GNAO1: variants seen among roughly 807,000 people sequenced by gnomAD.
GNAO1 encodes G protein subunit alpha o1, also known as guanine nucleotide-binding protein G(o) subunit alpha.
For missense variants in GNAO1, 166 were observed against 478.7 expected, an observed-to-expected ratio of 0.35 and a Z score of 6.10; for synonymous variants, 164 against 180.7, an observed-to-expected ratio of 0.91 and a Z score of 0.74.
intron 2 of GNAO1, among the ~76,000 whole-genome samples, chr16:56,217,409 G>A (rs1364939054): frequency 6.6e-6 from 1 of 152,170 alleles, no homozygotes; most frequent in African/African-American, 2.4e-5. Flanking sequence ...CTGGTTATAC[G>A]GGCTGAGGCT....
At chr16:56,277,775 CTACACACACACACA>C (rs1279668581) in intron 3 of GNAO1, among the ~76,000 whole-genome samples, 1 of 83,548 alleles carries the variant, frequency 1.2e-5, no homozygotes, top group Non-Finnish European at 2.4e-5. Context: ...GGCACACCCC[CTACACACACACACA>C]CACACACACA....
intron 3 of GNAO1, among the ~76,000 whole-genome samples, chr16:56,327,931 A>C (rs2037652107): frequency 6.6e-6 from 1 of 152,136 alleles, no homozygotes; most frequent in South Asian, 2.1e-4. Flanking sequence ...CAAACAAATC[A>C]AGAAAAATTA....
intron 3 of GNAO1, among the ~76,000 whole-genome samples, chr16:56,294,533 C>G (rs1755700634): frequency 6.6e-6 from 1 of 152,112 alleles, no homozygotes; most frequent in Admixed American, 6.5e-5. Context: ...GGACATTTCA[C>G]TTGTTTCCAT....
At chr16:56,238,014 T>G (rs1404403379) in intron 2 of GNAO1, among the ~76,000 whole-genome samples, 1 of 152,190 alleles carries the variant, frequency 6.6e-6, no homozygotes, top group Non-Finnish European at 1.5e-5. Context: ...TTCATACATT[T>G]TACAATATTC....
At chr16:56,256,433 C>T (rs1478469) in intron 2 of GNAO1, among the ~76,000 whole-genome samples, 19,621 of 152,122 alleles carry the variant, frequency 0.13, 1,592 homozygotes, top group African/African-American at 0.22. Flanking sequence ...TTCCGGCATC[C>T]ATGGCTTTTG....
intron 3 of GNAO1, among the ~76,000 whole-genome samples, chr16:56,313,560 T>G (rs2587888): frequency 0.43 from 65,515 of 151,922 alleles, 14,810 homozygotes; most frequent in Non-Finnish European, 0.5. Flanking sequence ...TTCTCTCTGT[T>G]GTGATGTGTT....
intron 2 of GNAO1, among the ~76,000 whole-genome samples, chr16:56,238,340 A>G (rs1352290259): frequency 6.6e-6 from 1 of 152,172 alleles, no homozygotes; most frequent in African/African-American, 2.4e-5. Context: ...CTGGAGACAC[A>G]CAGCTATCCT....
At chr16:56,214,466 A>G (rs1222933441) in intron 2 of GNAO1, among the ~76,000 whole-genome samples, 1 of 152,216 alleles carries the variant, frequency 6.6e-6, no homozygotes. Flanking sequence ...ACAAATACAC[A>G]CTTTATTTTA....
rs1206729591 is a variant in GNAO1 at position 56,356,514 on chromosome 16, G to C, written c.*440G>C. 1 of 152,434 alleles carries C rather than the reference G, an allele frequency of 6.6e-6. No individual in the cohort carries two copies. The highest frequency in any genetic ancestry group is 1.5e-5 in the Non-Finnish European group (1 of 68,070). The allele number at this position is 152,434 out of a possible 1,614,324, so 9.4% of individuals were successfully genotyped here. A position where few individuals can be genotyped will look rare whatever the true frequency, so the allele number is the denominator to read the frequency against. ...TGCACTGGTCCGAGGAGTGTGCTCA[G>C]GCCGGGCTTTCCAGAAGGCCACAGG... On this transcript the variant is annotated 3_prime_UTR_variant, in exon 9 of 9. Transcript: ENST00000262493.
In GNAO1 at chr16:56,340,880, A is replaced by G. The variant is rs143576848; in HGVS notation, c.723+4020A>G. The G allele has an allele frequency of 1.1e-4, 183 of 1,614,096 alleles. 1 individual carries two copies. Among genetic ancestry groups the G allele is most frequent in the Admixed American group, 1.7e-4 (10 of 60,032 alleles). On this transcript the variant is annotated intron_variant, in intron 6 of 8. Transcript: ENST00000262493. Reference sequence around the variant, plus strand: ...AAGCTTTTTGACAGCATCTGCAACAACAAATGGTTCACAGACACGTCCATC... The same window carrying G: ...AAGCTTTTTGACAGCATCTGCAACAGCAAATGGTTCACAGACACGTCCATC...
At chr16:56,338,120 G>A (rs1195482648) in intron 6 of GNAO1, among the ~76,000 whole-genome samples, 2 of 152,144 alleles carry the variant, frequency 1.3e-5, no homozygotes, top group Non-Finnish European at 1.5e-5. Context: ...TGTGGGCTAC[G>A]GGGCACAGTG....
intron 2 of GNAO1, among the ~76,000 whole-genome samples, chr16:56,271,964 A>C (rs990032072): frequency 6.6e-6 from 1 of 152,170 alleles, no homozygotes; most frequent in Admixed American, 6.5e-5. Flanking sequence ...GAAAATAAAG[A>C]GGGTCTTTAT....
intron 2 of GNAO1, among the ~76,000 whole-genome samples, chr16:56,257,368 G>C (rs1167912689): frequency 6.6e-6 from 1 of 152,194 alleles, no homozygotes. Context: ...GAATGTCTTT[G>C]CATCGGCTAG....
chr16:56,220,014 A>G (rs1238530977), intron 2 of GNAO1, among the ~76,000 whole-genome samples: 2 of 152,338 alleles, frequency 1.3e-5, no homozygotes, highest in South Asian at 2.1e-4. Context: ...GAGTGGAACC[A>G]TAGCCCCAGA....
chr16:56,299,995 G>A (rs1459332696), intron 3 of GNAO1, among the ~76,000 whole-genome samples: 1 of 148,434 alleles, frequency 6.7e-6, no homozygotes, highest in African/African-American at 2.5e-5. Flanking sequence ...GAAATGGAAG[G>A]CAGATTGGGG....
At chr16:56,200,232 C>T (rs1186010068) in intron 2 of GNAO1, among the ~76,000 whole-genome samples, 1 of 152,148 alleles carries the variant, frequency 6.6e-6, no homozygotes, top group Non-Finnish European at 1.5e-5. Context: ...TGTCCCTTCC[C>T]ACCAGGGCTC....
chr16:56,309,924 G>A lies in GNAO1; in HGVS notation c.304-18707G>A, dbSNP rs181958572. On this transcript the variant is annotated intron_variant, in intron 3 of 8. Transcript: ENST00000262493. Reference sequence around the variant, plus strand: ...TTCATTTTCATGGATATTAGAAAAAGATAAAAGCTAGCATATTAAATACAT... The same window carrying A: ...TTCATTTTCATGGATATTAGAAAAAAATAAAAGCTAGCATATTAAATACAT... 6.0e-3 allele frequency among the ~76,000 whole-genome samples: 921 copies of A among 152,328 alleles called. 3 individuals carry two copies. Among genetic ancestry groups the A allele is most frequent in the Non-Finnish European group, 0.01 (682 of 68,018 alleles).
intron 2 of GNAO1, among the ~76,000 whole-genome samples, chr16:56,265,293 C>A (rs1365205992): frequency 2.0e-5 from 3 of 152,248 alleles, no homozygotes; most frequent in African/African-American, 7.2e-5. Context: ...CTGAAGTCAT[C>A]TCTGGCCATG....
intron 2 of GNAO1, among the ~76,000 whole-genome samples, chr16:56,204,302 T>C (rs2036306273): frequency 6.6e-6 from 1 of 152,108 alleles, no homozygotes; most frequent in Non-Finnish European, 1.5e-5. Context: ...TTGAGTTGTT[T>C]GCTTGGGAGG....
Sources: gnomAD v4.1 joint callset for allele counts (sites outside exome capture counted in the v4.1 genomes callset) on GRCh38, gnomAD v4.1.1 for gene constraint, MANE v1.5 for transcripts, NCBI Gene and HGNC (gene_info 2026-07-23, HGNC 2026-07-21) for gene names.